The following GUCY1A2 variants were observed in gnomAD, a reference collection of about 807,000 sequenced individuals.
The protein encoded by GUCY1A2 is guanylate cyclase 1 soluble subunit alpha 2.
In GUCY1A2, 27 loss-of-function variants were observed where a neutral mutation model predicts 63.5. The ratio of observed to expected loss-of-function variants is 0.43; its 90% confidence interval spans 0.31 to 0.59. The LOEUF is 0.59. GUCY1A2 is among the 20% of genes least tolerant of loss of function. GUCY1A2 has a pLI of 0.11. For missense variants in GUCY1A2, 768 were observed against 913.3 expected (o/e 0.84, Z 2.05); for synonymous variants, 364 against 343.5 (o/e 1.06, Z -0.66).
rs1386332848 is a variant in GUCY1A2 at position 107,007,875 on chromosome 11, T to A, written c.303+9878A>T. On this transcript the variant is annotated intron_variant, in intron 1 of 7. Transcript: ENST00000526355. ...GAACAACACAGCATGATAGATTTAC[T>A]GTCCCTCTAGCTTACAGATACACAT... Among the ~76,000 whole-genome samples the A allele has an allele frequency of 7.8e-3, 1,121 of 144,224 alleles. 133 individuals carry two copies. In the East Asian group the frequency reaches 0.093, roughly 12 times the overall value. 94.6% of individuals were successfully genotyped at this position (144,224 alleles called of 152,430 possible). A position where few individuals can be genotyped will look rare whatever the true frequency, so the allele number is the denominator to read the frequency against.
intron 3 of GUCY1A2, among the ~76,000 whole-genome samples, chr11:106,953,937 T>C (rs1860946841): frequency 6.6e-6 from 1 of 152,152 alleles, no homozygotes. Flanking sequence ...TATTGGTCTA[T>C]CTATTTTGTT....
At chr11:106,800,191 C>T (rs1439889455) in intron 5 of GUCY1A2, among the ~76,000 whole-genome samples, 2 of 152,154 alleles carry the variant, frequency 1.3e-5, no homozygotes, top group African/African-American at 4.8e-5. Flanking sequence ...CAATGAGATA[C>T]CATCTCATAC....
chr11:106,749,333 T>C (rs1228773616), intron 6 of GUCY1A2, among the ~76,000 whole-genome samples: 1 of 152,072 alleles, frequency 6.6e-6, no homozygotes, highest in South Asian at 2.1e-4. Flanking sequence ...GAGAAAATAT[T>C]TGAAATCTAT....
At chr11:106,835,965 T>C (rs1014678350) in intron 4 of GUCY1A2, among the ~76,000 whole-genome samples, 1 of 152,014 alleles carries the variant, frequency 6.6e-6, no homozygotes, top group African/African-American at 2.4e-5. Context: ...AAAAATTTTC[T>C]GTGGAAGATA....
intron 6 of GUCY1A2, among the ~76,000 whole-genome samples, chr11:106,747,869 T>G (rs6588921): frequency 1.3e-5 from 2 of 151,834 alleles, no homozygotes. Context: ...ATGGCTTGTG[T>G]GAGGGTTACT....
At chr11:106,792,513 C>T (rs74845287) in intron 5 of GUCY1A2, among the ~76,000 whole-genome samples, 1 of 151,658 alleles carries the variant, frequency 6.6e-6, no homozygotes, top group African/African-American at 2.4e-5. Context: ...AAGACAAAAA[C>T]CACATGATTA....
chr11:106,910,933 G>A (rs1860285330), intron 4 of GUCY1A2, among the ~76,000 whole-genome samples: 1 of 152,044 alleles, frequency 6.6e-6, no homozygotes, highest in African/African-American at 2.4e-5. Context: ...TCCGCTGAAT[G>A]TATGGGCAGT....
intron 4 of GUCY1A2, among the ~76,000 whole-genome samples, chr11:106,902,482 C>A (rs1860147437): frequency 1.3e-5 from 2 of 152,182 alleles, no homozygotes; most frequent in Admixed American, 6.5e-5. Flanking sequence ...AAAGTCCTAC[C>A]TAGATGGCAT....
intron 4 of GUCY1A2, chr11:106,936,697 C>T (rs889854025): frequency 3.1e-5 from 47 of 1,522,706 alleles, no homozygotes; most frequent in East Asian, 9.8e-5. Context: ...AGATGCCCCT[C>T]GGTGACATGC....
intron 4 of GUCY1A2, among the ~76,000 whole-genome samples, chr11:106,932,541 C>T (rs994089001): frequency 1.3e-5 from 2 of 152,264 alleles, no homozygotes; most frequent in South Asian, 4.1e-4. Flanking sequence ...AATGGCCATA[C>T]TGCCCAAAGT....
intron 4 of GUCY1A2, among the ~76,000 whole-genome samples, chr11:106,926,961 T>C (rs1242693795): frequency 6.7e-6 from 1 of 150,246 alleles, no homozygotes; most frequent in Non-Finnish European, 1.5e-5. Flanking sequence ...TGGACAATTG[T>C]GCATTCTCTT....
At chr11:107,016,701 G>A (rs1323139118) in intron 1 of GUCY1A2, among the ~76,000 whole-genome samples, 1 of 152,212 alleles carries the variant, frequency 6.6e-6, no homozygotes, top group African/African-American at 2.4e-5. Context: ...ATGAGGTGCA[G>A]GTGCAAGAAG....
At chr11:106,744,461 C>A (rs1169984727) in intron 6 of GUCY1A2, among the ~76,000 whole-genome samples, 1 of 152,026 alleles carries the variant, frequency 6.6e-6, no homozygotes, top group East Asian at 1.9e-4. Context: ...TACATAAATG[C>A]TTTTTAAATC....
chr11:106,920,656 C>A (rs1224448433), intron 4 of GUCY1A2, among the ~76,000 whole-genome samples: 1 of 152,094 alleles, frequency 6.6e-6, no homozygotes, highest in Non-Finnish European at 1.5e-5. Flanking sequence ...CTTATAATTA[C>A]AAATGACACT....
At chr11:106,999,272 T>C (rs1861582491) in intron 1 of GUCY1A2, among the ~76,000 whole-genome samples, 1 of 152,138 alleles carries the variant, frequency 6.6e-6, no homozygotes, top group Admixed American at 6.5e-5. Flanking sequence ...AGAGAGAGAA[T>C]AAGGATTACT....
chr11:106,781,519 A>G (rs1052141121), intron 5 of GUCY1A2, among the ~76,000 whole-genome samples: 5 of 152,182 alleles, frequency 3.3e-5, no homozygotes, highest in Non-Finnish European at 5.9e-5. Context: ...TTATTCCAGA[A>G]ATAAAGGTGG....
intron 3 of GUCY1A2, among the ~76,000 whole-genome samples, chr11:106,957,889 TCA>T (rs1861010282): frequency 1.0e-5 from 1 of 99,782 alleles, no homozygotes; most frequent in Non-Finnish European, 1.9e-5. Flanking sequence ...TTTTTTTTTT[TCA>T]GAAAAAAAAG....
At chr11:106,943,042 C>T (rs903636479) in intron 3 of GUCY1A2, among the ~76,000 whole-genome samples, 25 of 151,758 alleles carry the variant, frequency 1.6e-4, no homozygotes, top group African/African-American at 5.6e-4. Context: ...ATTTTTATTC[C>T]CAGAACTGTT....
At chr11:106,812,878 C>CT (rs1326023092) in intron 4 of GUCY1A2, among the ~76,000 whole-genome samples, 1 of 151,882 alleles carries the variant, frequency 6.6e-6, no homozygotes, top group African/African-American at 2.4e-5. Flanking sequence ...AAATAACTTC[C>CT]TTTTCAATAT....
Sources: allele counts gnomAD v4.1 joint callset (sites outside exome capture counted in the v4.1 genomes callset), GRCh38; gene constraint gnomAD v4.1.1; transcripts MANE v1.5; gene names NCBI Gene and HGNC (gene_info 2026-07-23, HGNC 2026-07-21).